Variants in NT5DC1 observed in about 807,000 individuals in gnomAD.
The protein encoded by NT5DC1 is 5'-nucleotidase domain containing 1.
In NT5DC1, 42 loss-of-function variants were observed where a neutral mutation model predicts 59.4. That is an observed-to-expected ratio of 0.71 (90% CI 0.55 to 0.92). The LOEUF (loss-of-function observed/expected upper bound fraction) is 0.92. Ranked by LOEUF, NT5DC1 falls within the 40% of genes least tolerant of loss-of-function variation. The pLI is 0.00. For missense variants in NT5DC1, 501 were observed against 537.1 expected, an observed-to-expected ratio of 0.93 and a Z score of 0.66; for synonymous variants, 172 against 188.1, an observed-to-expected ratio of 0.91 and a Z score of 0.70.
At chr6:116,120,103 A>G in intron 6 of NT5DC1, 1 of 1,614,122 alleles carries the variant, frequency 6.2e-7, no homozygotes, top group Non-Finnish European at 8.5e-7. Context: ...ATCCTGAGAA[A>G]GAGGAGTGGA....
At chr6:116,219,887 G>A (rs576674023) in intron 6 of NT5DC1, among the ~76,000 whole-genome samples, 29 of 149,544 alleles carry the variant, frequency 1.9e-4, no homozygotes, top group Admixed American at 8.7e-4. Context: ...ACTTGAACCC[G>A]GGAGGCGGAG....
intron 6 of NT5DC1, among the ~76,000 whole-genome samples, chr6:116,152,157 T>C (rs1251326768): frequency 2.0e-5 from 3 of 152,238 alleles, no homozygotes; most frequent in Non-Finnish European, 4.4e-5. Context: ...GTTTTCATTA[T>C]ACTTTCAGTA....
At chr6:116,221,719 T>G (rs1324625907) in intron 7 of NT5DC1, among the ~76,000 whole-genome samples, 2 of 152,186 alleles carry the variant, frequency 1.3e-5, no homozygotes, top group Non-Finnish European at 2.9e-5. Context: ...AAGACAGACT[T>G]GATTTCAAGC....
chr6:116,111,333 A>G (rs1778871933), intron 4 of NT5DC1, among the ~76,000 whole-genome samples: 1 of 151,670 alleles, frequency 6.6e-6, no homozygotes, highest in Non-Finnish European at 1.5e-5. Context: ...TACCACTCCT[A>G]TTTTCTATGA....
At chr6:116,164,816 G>A (rs745531214) in intron 6 of NT5DC1, among the ~76,000 whole-genome samples, 1 of 152,118 alleles carries the variant, frequency 6.6e-6, no homozygotes, top group African/African-American at 2.4e-5. Context: ...CATTTATGAA[G>A]CTTAGTTTAA....
At position 116,153,246 on chromosome 6, in the gene NT5DC1, T is replaced by C. The variant is rs183389316; in HGVS notation, c.529+35301T>C. 6.4e-4 allele frequency among the ~76,000 whole-genome samples: 97 copies of C among 152,240 alleles called. No homozygotes were observed. In the Middle Eastern group the frequency reaches 0.01, roughly 16 times the overall value. ...TTATAACCTTGTCTGATTTTAGCTC[T>C]ATTTATAAGATATGTTATATAAGAC... On this transcript the variant is annotated intron_variant, in intron 6 of 11. Coordinates refer to ENST00000319550, the MANE Select transcript of NT5DC1 (RefSeq NM_152729.3).
At chr6:116,146,941 T>C (rs908230180) in intron 6 of NT5DC1, among the ~76,000 whole-genome samples, 47 of 150,386 alleles carry the variant, frequency 3.1e-4, no homozygotes, top group African/African-American at 1.1e-3. Context: ...AAAAATAAAT[T>C]ATAAAACTAC....
intron 6 of NT5DC1, among the ~76,000 whole-genome samples, chr6:116,217,908 T>C (rs1217900554): frequency 1.3e-5 from 2 of 152,176 alleles, no homozygotes; most frequent in African/African-American, 4.8e-5. Context: ...ATGTTTCTAT[T>C]TGTATAATTA....
intron 11 of NT5DC1, among the ~76,000 whole-genome samples, chr6:116,240,091 A>G (rs1214853682): frequency 1.3e-5 from 2 of 152,220 alleles, no homozygotes; most frequent in Admixed American, 6.5e-5. Context: ...CAGTAAGAGA[A>G]AAATCATAAA....
At chr6:116,147,887 C>T (rs913089603) in intron 6 of NT5DC1, among the ~76,000 whole-genome samples, 1 of 151,518 alleles carries the variant, frequency 6.6e-6, no homozygotes. Context: ...AAGGTGGAGG[C>T]AGGCATGGGA....
intron 6 of NT5DC1, among the ~76,000 whole-genome samples, chr6:116,142,361 A>C (rs1278067670): frequency 6.6e-6 from 1 of 152,108 alleles, no homozygotes; most frequent in Admixed American, 6.5e-5. Context: ...AATTAATAAC[A>C]TAAAAACCAC....
intron 6 of NT5DC1, among the ~76,000 whole-genome samples, chr6:116,170,882 A>C (rs1044499730): frequency 3.9e-5 from 6 of 152,182 alleles, no homozygotes; most frequent in Non-Finnish European, 8.8e-5. Flanking sequence ...CTTATCTTTC[A>C]AACTGCAGCT....
At chr6:116,108,326 T>C (rs769561718) in intron 2 of NT5DC1, 38 bp from the exon 3 acceptor site, 1 of 1,289,932 alleles carries the variant, frequency 7.8e-7, no homozygotes, top group Non-Finnish European at 1.1e-6. Flanking sequence ...GTTAGCTAAA[T>C]ATAGGAATTG....
chr6:116,238,455 C>T (rs1782164663), intron 10 of NT5DC1, 107 bp downstream of exon 10: 1 of 396,902 alleles, frequency 2.5e-6, no homozygotes, highest in Non-Finnish European at 4.0e-6. Context: ...AGGCTGAATA[C>T]CATCATGTTA....
chr6:116,107,818 C>T (rs937840338), intron 2 of NT5DC1, among the ~76,000 whole-genome samples: 1 of 152,152 alleles, frequency 6.6e-6, no homozygotes, highest in African/African-American at 2.4e-5. Context: ...GTGATCCGCC[C>T]GTCTCGGCCT....
chr6:116,164,939 A>G (rs1459689282), intron 6 of NT5DC1, among the ~76,000 whole-genome samples: 2 of 152,080 alleles, frequency 1.3e-5, no homozygotes, highest in East Asian at 3.9e-4. Context: ...AATAAATAAA[A>G]TACAAAAAAT....
intron 6 of NT5DC1, among the ~76,000 whole-genome samples, chr6:116,169,760 G>A (rs1780564151): frequency 6.6e-6 from 1 of 152,110 alleles, no homozygotes; most frequent in East Asian, 1.9e-4. Flanking sequence ...GTGGACAATT[G>A]GACAGACATT....
chr6:116,136,895 A>G (rs766012138), intron 6 of NT5DC1, among the ~76,000 whole-genome samples: 10 of 152,216 alleles, frequency 6.6e-5, no homozygotes, highest in Non-Finnish European at 1.2e-4. Flanking sequence ...CTGTACAAGA[A>G]GAATCCAGCC....
chr6:116,161,078 A>C (rs1429465610), intron 6 of NT5DC1, among the ~76,000 whole-genome samples: 1 of 151,570 alleles, frequency 6.6e-6, no homozygotes, highest in African/African-American at 2.4e-5. Context: ...ATTCTCAGTA[A>C]ACTATCGTAA....
Sources: gnomAD v4.1 joint callset for allele counts (sites outside exome capture counted in the v4.1 genomes callset) on GRCh38, gnomAD v4.1.1 for gene constraint, MANE v1.5 for transcripts, NCBI Gene and HGNC (gene_info 2026-07-23, HGNC 2026-07-21) for gene names.